Variants in DLGAP2 observed in about 807,000 individuals in gnomAD.
DLGAP2 encodes DLG associated protein 2.
In DLGAP2, 26 loss-of-function variants were observed where a neutral mutation model predicts 100.3. The ratio of observed to expected loss-of-function variants is 0.26; its 90% CI spans 0.19 to 0.36. The LOEUF is 0.36. DLGAP2 is among the 10% of genes least tolerant of loss of function. The probability of loss-of-function intolerance (pLI) is 1.00; values close to 1 mark genes in which losing one functional copy is unlikely to be tolerated. For missense variants in DLGAP2, 1,858 were observed against 1,453.2 expected (o/e 1.28, Z -4.53); for synonymous variants, 886 against 630.1 (o/e 1.41, Z -6.08).
chr8:1,508,109 C>G (rs940777244), intron 4 of DLGAP2, among the ~76,000 whole-genome samples: 19 of 151,922 alleles, frequency 1.3e-4, no homozygotes, highest in Admixed American at 3.9e-4. Context: ...TCCACACAAA[C>G]ACATCAGATA....
intron 1 of DLGAP2, among the ~76,000 whole-genome samples, chr8:782,650 C>G (rs774584387): frequency 1.3e-5 from 2 of 152,178 alleles, no homozygotes; most frequent in Non-Finnish European, 2.9e-5. Flanking sequence ...GTTTATGTGT[C>G]AAGGCAGTTG....
At chr8:1,635,367 C>G (rs1161238844) in intron 8 of DLGAP2, among the ~76,000 whole-genome samples, 1 of 152,208 alleles carries the variant, frequency 6.6e-6, no homozygotes, top group Non-Finnish European at 1.5e-5. Context: ...CCAAAGTTTC[C>G]TGTCCGTGAG....
intron 1 of DLGAP2, among the ~76,000 whole-genome samples, chr8:890,907 C>G (rs538134768): frequency 2.0e-5 from 3 of 152,180 alleles, no homozygotes; most frequent in African/African-American, 7.2e-5. Flanking sequence ...GGGAGATCCT[C>G]GCTGTGTGAC....
chr8:1,480,589 C>T (rs1799062854), intron 3 of DLGAP2, among the ~76,000 whole-genome samples: 1 of 152,130 alleles, frequency 6.6e-6, no homozygotes, highest in Non-Finnish European at 1.5e-5. Context: ...GTGGCTCACA[C>T]CTGTAATCCC....
intron 2 of DLGAP2, among the ~76,000 whole-genome samples, chr8:1,213,613 A>G (rs11994714): frequency 0.11 from 16,554 of 152,150 alleles, 1,870 homozygotes; most frequent in African/African-American, 0.29. Flanking sequence ...AGGGGTAAGC[A>G]GCGTTCATGC....
At chr8:1,341,385 T>C (rs1054730151) in intron 3 of DLGAP2, among the ~76,000 whole-genome samples, 4 of 152,226 alleles carry the variant, frequency 2.6e-5, no homozygotes, top group African/African-American at 9.7e-5. Context: ...TTAATTTTAT[T>C]AGATCTTACC....
chr8:1,172,234 A>T (rs184559021), intron 2 of DLGAP2, among the ~76,000 whole-genome samples: 131 of 152,096 alleles, frequency 8.6e-4, no homozygotes, highest in African/African-American at 3.0e-3. Flanking sequence ...TGGCTTGTAG[A>T]GTTTCTGCCT....
At chr8:1,047,826 A>G (rs1354708872) in intron 2 of DLGAP2, among the ~76,000 whole-genome samples, 1 of 152,112 alleles carries the variant, frequency 6.6e-6, no homozygotes, top group Admixed American at 6.5e-5. Flanking sequence ...CGGTTTCATC[A>G]TATGGATTTT....
intron 3 of DLGAP2, among the ~76,000 whole-genome samples, chr8:1,336,706 C>T (rs893249406): frequency 6.6e-6 from 1 of 152,154 alleles, no homozygotes; most frequent in Non-Finnish European, 1.5e-5. Context: ...TCTTTTCTCA[C>T]CCCTAAATAA....
intron 3 of DLGAP2, among the ~76,000 whole-genome samples, chr8:1,266,376 G>C (rs1450593410): frequency 6.6e-6 from 1 of 152,210 alleles, no homozygotes; most frequent in Non-Finnish European, 1.5e-5. Flanking sequence ...TGTCTACGGG[G>C]CAAGGTGTGG....
At chr8:821,622 A>G (rs1009597609) in intron 1 of DLGAP2, among the ~76,000 whole-genome samples, 2 of 152,186 alleles carry the variant, frequency 1.3e-5, no homozygotes, top group African/African-American at 4.8e-5. Context: ...ATGATCAATT[A>G]TTAATATTCT....
chr8:738,594 A>G (rs1820387102), intron 1 of DLGAP2: 1 of 151,428 alleles, frequency 6.6e-6, no homozygotes, highest in Non-Finnish European at 1.5e-5. Context: ...CAGGAGAAAT[A>G]ATGAGGATGT....
chr8:810,785 C>T (rs1318108598), intron 1 of DLGAP2, among the ~76,000 whole-genome samples: 1 of 152,158 alleles, frequency 6.6e-6, no homozygotes, highest in Non-Finnish European at 1.5e-5. Context: ...CCCACTATGC[C>T]AACACATGCC....
At chr8:1,625,100 G>T (rs373537753) in intron 6 of DLGAP2, among the ~76,000 whole-genome samples, 1 of 151,948 alleles carries the variant, frequency 6.6e-6, no homozygotes, top group Non-Finnish European at 1.5e-5. Flanking sequence ...CCACACCAAG[G>T]GTTTACTTTG....
intron 1 of DLGAP2, among the ~76,000 whole-genome samples, chr8:889,887 G>A (rs1189918521): frequency 1.3e-5 from 2 of 152,228 alleles, no homozygotes; most frequent in South Asian, 2.1e-4. Context: ...CCCCAGTGGC[G>A]TGAGTTTGCA....
intron 3 of DLGAP2, among the ~76,000 whole-genome samples, chr8:1,331,605 T>C (rs1359643822): frequency 1.3e-5 from 2 of 152,238 alleles, no homozygotes; most frequent in African/African-American, 4.8e-5. Flanking sequence ...TCTTGTGTTT[T>C]TCTTGGATGC....
intron 2 of DLGAP2, among the ~76,000 whole-genome samples, chr8:1,066,399 A>G (rs112390611): frequency 0.03 from 4,402 of 148,752 alleles, 237 homozygotes; most frequent in African/African-American, 0.11. Context: ...GGTCTGAGTG[A>G]GGACAGTTCC....
intron 4 of DLGAP2, among the ~76,000 whole-genome samples, chr8:1,533,387 T>G (rs944740640): frequency 6.6e-6 from 1 of 151,642 alleles, no homozygotes; most frequent in East Asian, 1.9e-4. Context: ...GCACCTGTAG[T>G]CCGAGCTACT....
chr8:1,427,233 A>G (rs1311354752), intron 3 of DLGAP2, among the ~76,000 whole-genome samples: 1 of 152,218 alleles, frequency 6.6e-6, no homozygotes, highest in Non-Finnish European at 1.5e-5. Context: ...AGATTTCAGT[A>G]TATTTTCTCA....
Sources: allele counts gnomAD v4.1 joint callset (sites outside exome capture counted in the v4.1 genomes callset), GRCh38; gene constraint gnomAD v4.1.1; transcripts MANE v1.5; gene names NCBI Gene and HGNC (gene_info 2026-07-23, HGNC 2026-07-21).